The following NQO2 variants were observed in gnomAD, a reference collection of about 807,000 sequenced individuals.
NQO2 encodes the protein ribosyldihydronicotinamide dehydrogenase [quinone].
A neutral mutation model predicts 22.0 loss-of-function variants in NQO2; 18 were observed. The ratio of observed to expected loss-of-function variants is 0.82; its 90% CI spans 0.56 to 1.21. The LOEUF is 1.21. Ranked by LOEUF, NQO2 falls within the 50% of genes most tolerant of loss-of-function variation. NQO2 has a pLI of 0.00. For synonymous variants in NQO2, 106 were observed against 110.8 expected (o/e 0.96, Z 0.28); for missense variants, 267 against 286.9 (o/e 0.93, Z 0.50).
At chr6:3,008,161 T>C (rs2180984) in intron 2 of NQO2, among the ~76,000 whole-genome samples, 9,271 of 152,316 alleles carry the variant, frequency 0.061, 357 homozygotes, top group East Asian at 0.16. Flanking sequence ...CTCATACCAG[T>C]AATCCCAGCA....
In NQO2 at chr6:3,000,027, C is replaced by G. The variant is rs1190463073; in HGVS notation, c.-144C>G. The G allele has an allele frequency of 6.6e-6, 1 of 152,382 alleles. No individual in the cohort carries two copies. The highest frequency in any genetic ancestry group is 6.5e-5 in the Admixed American group (1 of 15,286). 9.4% of individuals were successfully genotyped at this position (152,382 alleles called of 1,614,324 possible). ...ACCTGGCGCAACTCCTAGAGCGGTC[C>G]TTGGGGAGACGCGGGTCCCAGTCCT... On this transcript the variant is annotated 5_prime_UTR_variant, in exon 1 of 7. Transcript: ENST00000380455.
At chr6:3,002,161 G>T in intron 1 of NQO2, 1 of 978,672 alleles carries the variant, frequency 1.0e-6, no homozygotes, top group Non-Finnish European at 1.2e-6. Context: ...ACTGAAGAAT[G>T]GATGCCCTGT....
chr6:3,013,508 A>G (rs1425665082), intron 4 of NQO2, among the ~76,000 whole-genome samples: 1 of 152,022 alleles, frequency 6.6e-6, no homozygotes, highest in Non-Finnish European at 1.5e-5. Flanking sequence ...AATCAGGCCA[A>G]ATGCATCTCC....
At chr6:3,009,932 T>C in intron 2 of NQO2, 93 bp from the exon 3 acceptor site, 1 of 1,492,740 alleles carries the variant, frequency 6.7e-7, no homozygotes, top group Non-Finnish European at 8.9e-7. Context: ...ATTACTATGA[T>C]GCACCTGAAC....
At chr6:3,012,422 AG>A in intron 3 of NQO2, 121 bp from the exon 4 acceptor site, 3 of 1,490,184 alleles carry the variant, frequency 2.0e-6, no homozygotes, top group Non-Finnish European at 2.7e-6. Context: ...GCTTCTGGTC[AG>A]GTTGCAGCAA....
Position 3,019,553 on chromosome 6 carries a change from A to G in NQO2, c.594A>G (p.Glu198=), listed in dbSNP as rs1757467753. ...GCTTTGCTCCTGAAATTGCATCCGA[A>G]GAAGAAAGAAAGGGGATGGTGGCTG... The part of the protein sequence containing the change: ...QISFAPEIAS[E]EERKGMVAAW... The change falls in exon 7 of 7, where the codon GAA becomes GAG. Residue 198 remains glutamate, a synonymous_variant. Transcript: ENST00000380455. 5.0e-6 allele frequency: 8 copies of G among 1,614,048 alleles called. No homozygotes were observed. Among genetic ancestry groups the G allele is most frequent in the Non-Finnish European group, 6.8e-6 (8 of 1,180,030 alleles).
chr6:3,012,945 A>ATTTTT (rs1561715126), intron 4 of NQO2, among the ~76,000 whole-genome samples: 1 of 61,786 alleles, frequency 1.6e-5, no homozygotes, highest in African/African-American at 6.6e-5. Context: ...ATGTAACACT[A>ATTTTT]CTTTTTTTTT....
intron 4 of NQO2, 142 bp downstream of exon 4, chr6:3,012,816 C>T (rs1406897508): frequency 1.3e-6 from 1 of 776,728 alleles, no homozygotes; most frequent in East Asian, 2.7e-5. Context: ...ATATTGTAAC[C>T]TGGTTACAAC....
In NQO2 at chr6:3,016,927, A is replaced by T. The variant is rs1476419451; in HGVS notation, c.461A>T (p.Glu154Val). ...LLSVTTGGTA[E>V]MYTKTGVNGD... Reference sequence around the variant, plus strand: ...TCCGTAACCACGGGAGGCACGGCCGAGATGTACACGAAGACAGGAGTCAAT... The same window carrying T: ...TCCGTAACCACGGGAGGCACGGCCGTGATGTACACGAAGACAGGAGTCAAT... Residue 154 changes from glutamate to valine, a missense_variant, in exon 6 of 7, where the codon GAG becomes GTG. Transcript: ENST00000380455. The T allele has an allele frequency of 6.2e-7, 1 of 1,613,906 alleles. No homozygotes were observed. The highest frequency in any genetic ancestry group is 1.7e-5 in the Admixed American group (1 of 60,002).
chr6:3,010,010 C>G lies in NQO2; in HGVS notation c.8-15C>G. 1 of 1,602,576 alleles carries G rather than the reference C, an allele frequency of 6.2e-7. No individual in the cohort carries two copies. Among genetic ancestry groups the G allele is most frequent in the Non-Finnish European group, 8.5e-7 (1 of 1,173,876 alleles). ...GGTTGTTCTTCAAGAGGAACTGTTT[C>G]TTATCCTGATTTAGGTAAGAAAGTA... On this transcript the variant is annotated splice_polypyrimidine_tract_variant and intron_variant, in intron 2 of 6. Transcript: ENST00000380455.
At position 3,010,209 on chromosome 6, in the gene NQO2, C is replaced by G. The variant is rs750178792; in HGVS notation, c.172+20C>G. 5 of 1,540,912 alleles carry G rather than the reference C, an allele frequency of 3.2e-6. No homozygotes were observed. In the South Asian group the frequency reaches 4.9e-5, roughly 15 times the overall value. On this transcript the variant is annotated intron_variant, in intron 3 of 6. Coordinates refer to ENST00000380455, the MANE Select transcript of NQO2 (RefSeq NM_000904.6). ...TCACTGGTGAGTCATGGGATAAATG[C>G]TCTATTTATAAAAACCATCTTTATG...
At chr6:3,005,894 G>A in intron 1 of NQO2, 2 of 796,832 alleles carry the variant, frequency 2.5e-6, no homozygotes, top group Non-Finnish European at 3.0e-6. Flanking sequence ...AATGGGCAGA[G>A]CTGGAAATTG....
intron 4 of NQO2, chr6:3,015,109 T>C (rs992993398): frequency 6.2e-6 from 8 of 1,293,840 alleles, no homozygotes; most frequent in Admixed American, 2.3e-5. Flanking sequence ...TCTAAATCCA[T>C]AGATGCTCAG....
At chr6:3,011,451 A>G (rs1757132012) in intron 3 of NQO2, among the ~76,000 whole-genome samples, 1 of 152,220 alleles carries the variant, frequency 6.6e-6, no homozygotes, top group African/African-American at 2.4e-5. Context: ...CAAAATATAG[A>G]AAATTACCTC....
chr6:3,015,619 A>T lies in NQO2; in HGVS notation c.393A>T (p.Gly131=), dbSNP rs1757299571. Residue 131 remains glycine (G), a synonymous_variant, in exon 5 of 7, where the codon GGA becomes GGT. Coordinates refer to ENST00000380455, the MANE Select transcript of NQO2 (RefSeq NM_000904.6). ...LCQGFAFDIP[G]FYDSGLLQGK... ...AGGGCTTTGCCTTTGACATCCCAGG[A>T]TTCTACGATTCCGGTTTGCTCCAGG... 6.2e-7 allele frequency: 1 copy of T among 1,614,036 alleles called. No homozygotes were observed. Among genetic ancestry groups the T allele is most frequent in the African/African-American group, 1.3e-5 (1 of 74,930 alleles).
intron 6 of NQO2, among the ~76,000 whole-genome samples, chr6:3,018,553 GA>G (rs1178498941): frequency 6.6e-6 from 1 of 152,094 alleles, no homozygotes; most frequent in Admixed American, 6.6e-5. Context: ...GTTGCCTGAG[GA>G]AAAAAATGTG....
chr6:3,017,080 A>T, intron 6 of NQO2, 95 bp downstream of exon 6: 1 of 1,407,228 alleles, frequency 7.1e-7, no homozygotes, highest in Non-Finnish European at 9.7e-7. Context: ...GCACACACAT[A>T]CATGCCCTCA....
intron 3 of NQO2, among the ~76,000 whole-genome samples, chr6:3,012,044 C>T (rs1432736008): frequency 6.6e-6 from 1 of 152,172 alleles, no homozygotes; most frequent in Non-Finnish European, 1.5e-5. Flanking sequence ...TGTGTACAGT[C>T]CACTCATTAC....
chr6:3,014,596 C>T (rs1308714962), intron 4 of NQO2, among the ~76,000 whole-genome samples: 1 of 152,194 alleles, frequency 6.6e-6, no homozygotes, highest in Non-Finnish European at 1.5e-5. Flanking sequence ...TTTTGTTTCA[C>T]TTCATTTCAC....
Sources: allele counts gnomAD v4.1 joint callset (sites outside exome capture counted in the v4.1 genomes callset), GRCh38; gene constraint gnomAD v4.1.1; transcripts MANE v1.5; gene names NCBI Gene and HGNC (gene_info 2026-07-23, HGNC 2026-07-21).